The following KAZN variants were observed in gnomAD, a reference collection of about 807,000 sequenced individuals.
KAZN encodes kazrin, periplakin interacting protein.
Under a neutral mutation model 87.4 loss-of-function variants are expected in KAZN, and 40 were observed. That is an observed-to-expected ratio of 0.46 (90% CI 0.36 to 0.60). KAZN has a LOEUF of 0.60. KAZN is among the 20% of genes least tolerant of loss of function. KAZN has a pLI of 0.00. For synonymous variants in KAZN, 466 were observed against 458.3 expected, an observed-to-expected ratio of 1.02 and a Z score of -0.22; for missense variants, 898 against 1,073.9, an observed-to-expected ratio of 0.84 and a Z score of 2.29.
At chr1:14,293,235 T>G (rs1049016511) in intron 2 of KAZN, among the ~76,000 whole-genome samples, 22 of 152,196 alleles carry the variant, frequency 1.4e-4, no homozygotes, top group African/African-American at 5.3e-4. Flanking sequence ...ATATTTAGAT[T>G]TTAAATATTC....
intron 2 of KAZN, among the ~76,000 whole-genome samples, chr1:14,216,590 T>A (rs1190756987): frequency 6.6e-6 from 1 of 152,192 alleles, no homozygotes; most frequent in African/African-American, 2.4e-5. Flanking sequence ...AGTAAAACTA[T>A]ACTGAACTAT....
rs111242230 is a variant in KAZN at position 14,576,332 on chromosome 1, G to A, written c.250-22651G>A. Among the ~76,000 whole-genome samples the A allele has an allele frequency of 2.8e-3, 303 of 108,350 alleles. 1 individual carries two copies. Among genetic ancestry groups the A allele is most frequent in the Admixed American group, 6.7e-3 (76 of 11,278 alleles). The allele number at this position is 108,350 out of a possible 152,430, so 71.1% of individuals were successfully genotyped here. A position where few individuals can be genotyped will look rare whatever the true frequency, so the allele number is the denominator to read the frequency against. On this transcript the variant is annotated intron_variant, in intron 2 of 16. Transcript: ENST00000636203. ...TGGATGGATGGATGGATGGATGGAT[G>A]GACGGACAGATAAATAGATGGGTAG... is the stretch of plus-strand genomic sequence containing the variant.
chr1:15,102,356 T>C (rs1422056530), intron 11 of KAZN, among the ~76,000 whole-genome samples: 1 of 152,076 alleles, frequency 6.6e-6, no homozygotes, highest in Non-Finnish European at 1.5e-5. Flanking sequence ...CAGGGATCAG[T>C]AGAAGACATG....
At chr1:14,839,300 C>T (rs1032449286) in intron 1 of KAZN, among the ~76,000 whole-genome samples, 4 of 152,196 alleles carry the variant, frequency 2.6e-5, no homozygotes, top group African/African-American at 9.7e-5. Context: ...AGTCCCCCTA[C>T]CTTCCCTGGC....
intron 1 of KAZN, among the ~76,000 whole-genome samples, chr1:14,837,388 G>A (rs538349771): frequency 8.6e-5 from 13 of 151,918 alleles, no homozygotes; most frequent in Non-Finnish European, 1.3e-4. Flanking sequence ...GAGTAGAGAC[G>A]GGGTTTCTCC....
At chr1:14,399,029 G>A (rs984043706) in intron 2 of KAZN, among the ~76,000 whole-genome samples, 29 of 152,192 alleles carry the variant, frequency 1.9e-4, no homozygotes, top group African/African-American at 7.0e-4. Context: ...TGGAGGGGGG[G>A]ATTTTGTTTG....
intron 1 of KAZN, among the ~76,000 whole-genome samples, chr1:14,659,682 G>C (rs766256308): frequency 6.6e-6 from 1 of 152,046 alleles, no homozygotes; most frequent in Admixed American, 6.6e-5. Flanking sequence ...CCCTGAATTG[G>C]ATAGATCATT....
At chr1:14,925,341 A>G (rs1380565859) in intron 1 of KAZN, among the ~76,000 whole-genome samples, 3 of 152,194 alleles carry the variant, frequency 2.0e-5, no homozygotes, top group African/African-American at 7.2e-5. Flanking sequence ...GGCTTTTCTG[A>G]GAAGGGGCTG....
At chr1:15,100,725 A>G (rs1336770363) in intron 10 of KAZN, among the ~76,000 whole-genome samples, 7 of 152,180 alleles carry the variant, frequency 4.6e-5, no homozygotes. Context: ...AATCAGTCAA[A>G]CATGGACTTT....
At chr1:14,328,120 A>T (rs574435178) in intron 2 of KAZN, among the ~76,000 whole-genome samples, 1 of 152,168 alleles carries the variant, frequency 6.6e-6, no homozygotes, top group East Asian at 1.9e-4. Context: ...TTCCTCCCCA[A>T]TGGAGTAATA....
intron 1 of KAZN, among the ~76,000 whole-genome samples, chr1:13,925,992 A>C (rs891037300): frequency 6.6e-6 from 1 of 152,014 alleles, no homozygotes; most frequent in Non-Finnish European, 1.5e-5. Context: ...GAGATGGTAG[A>C]GACTTGGGAG....
At chr1:14,211,206 C>A (rs1646846189) in intron 2 of KAZN, among the ~76,000 whole-genome samples, 1 of 152,068 alleles carries the variant, frequency 6.6e-6, no homozygotes, top group South Asian at 2.1e-4. Flanking sequence ...TCAAACCTAT[C>A]TCTATTTGTT....
At chr1:14,037,798 A>G (rs754915828) in intron 1 of KAZN, among the ~76,000 whole-genome samples, 5 of 152,164 alleles carry the variant, frequency 3.3e-5, no homozygotes, top group African/African-American at 7.2e-5. Context: ...ATTTGTGTCC[A>G]CACCCTGCAG....
At chr1:15,088,572 A>G (rs1640376938) in intron 8 of KAZN, among the ~76,000 whole-genome samples, 2 of 152,314 alleles carry the variant, frequency 1.3e-5, no homozygotes, top group East Asian at 1.9e-4. Flanking sequence ...CCTGGCCATC[A>G]ACATGAGTTA....
At chr1:15,049,577 T>C (rs1042764054) in intron 4 of KAZN, among the ~76,000 whole-genome samples, 1 of 151,782 alleles carries the variant, frequency 6.6e-6, no homozygotes, top group Non-Finnish European at 1.5e-5. Flanking sequence ...CTCCATCAAG[T>C]AGGACATTTT....
In KAZN at chr1:14,960,707, C is replaced by T. The variant is rs748830726; in HGVS notation, c.250C>T (p.Arg84Trp). ...AQVLLREEVS[R>W]LQEEVHLLRQ... ...AGTGCTCCTGCGGGAAGAAGTGTCG[C>T]GGCTCCAGGAGGAAGTTCACCTTCT... The change falls in exon 2 of 15, where the codon CGG becomes TGG. Residue 84 changes from arginine (R) to tryptophan (W), a missense_variant. Physicochemically the swap from Arg to Trp is moderately radical, Grantham distance 101. Transcript: ENST00000376030. The T allele has an allele frequency of 2.0e-5, 32 of 1,573,894 alleles. No homozygotes were observed. Among genetic ancestry groups the T allele is most frequent in the Middle Eastern group, 1.7e-4 (1 of 6,040 alleles).
intron 2 of KAZN, among the ~76,000 whole-genome samples, chr1:14,485,860 T>G (rs879871372): frequency 7.2e-6 from 1 of 139,342 alleles, no homozygotes; most frequent in East Asian, 2.1e-4. Context: ...ACCACTGCAC[T>G]CCAGCCTGGG....
At chr1:14,858,533 T>C (rs1650441731) in intron 1 of KAZN, among the ~76,000 whole-genome samples, 2 of 152,214 alleles carry the variant, frequency 1.3e-5, no homozygotes, top group Non-Finnish European at 2.9e-5. Flanking sequence ...ATTTCGTTTA[T>C]CCATTCATTA....
intron 1 of KAZN, among the ~76,000 whole-genome samples, chr1:13,909,214 A>G (rs1639558758): frequency 6.6e-6 from 1 of 152,198 alleles, no homozygotes; most frequent in Admixed American, 6.5e-5. Context: ...ACTGGTTCTT[A>G]AGTACCAACA....
Sources: allele counts gnomAD v4.1 joint callset (sites outside exome capture counted in the v4.1 genomes callset), GRCh38; gene constraint gnomAD v4.1.1; transcripts MANE v1.5; gene names NCBI Gene and HGNC (gene_info 2026-07-23, HGNC 2026-07-21).